The following OPRD1 variants were observed in gnomAD, a reference collection of about 807,000 sequenced individuals.
OPRD1 encodes the protein opioid receptor delta 1.
Under a neutral mutation model 17.5 loss-of-function variants are expected in OPRD1, and 19 were observed. The ratio of observed to expected loss-of-function variants is 1.09; its 90% CI spans 0.76 to 1.60. The LOEUF (loss-of-function observed/expected upper bound fraction) is 1.60. Ranked by LOEUF, OPRD1 falls within the 40% of genes most tolerant of loss-of-function variation. The pLI, the probability that OPRD1 is intolerant of heterozygous loss-of-function variation, is 0.00. For missense variants in OPRD1, 483 were observed against 547.2 expected, an observed-to-expected ratio of 0.88 and a Z score of 1.17; for synonymous variants, 256 against 240.9, an observed-to-expected ratio of 1.06 and a Z score of -0.58.
At chr1:28,855,766 A>G (rs767460927) in intron 1 of OPRD1, among the ~76,000 whole-genome samples, 1 of 152,232 alleles carries the variant, frequency 6.6e-6, no homozygotes, top group Admixed American at 6.5e-5. Flanking sequence ...GAGAAATTAG[A>G]CGAGTCAGCT....
At chr1:28,835,128 A>G (rs2088841163) in intron 1 of OPRD1, among the ~76,000 whole-genome samples, 1 of 152,128 alleles carries the variant, frequency 6.6e-6, no homozygotes, top group Admixed American at 6.5e-5. Flanking sequence ...GACCTGTCCT[A>G]TTTCCAGAGG....
At chr1:28,850,015 G>A (rs1390060534) in intron 1 of OPRD1, among the ~76,000 whole-genome samples, 2 of 151,752 alleles carry the variant, frequency 1.3e-5, no homozygotes, top group African/African-American at 2.4e-5. Context: ...GAGTATCTGG[G>A]ACTACAGGTG....
At chr1:28,826,922 A>C (rs2088773242) in intron 1 of OPRD1, among the ~76,000 whole-genome samples, 2 of 152,218 alleles carry the variant, frequency 1.3e-5, no homozygotes, top group Non-Finnish European at 2.9e-5. Context: ...CAACTAAATT[A>C]ATGTTATATT....
rs2089205393 is a variant in OPRD1, at chr1:28,870,251, TC to T, written c.*6969del. The T allele has an allele frequency of 1.3e-5, 2 of 151,524 alleles. No homozygotes were observed. Among genetic ancestry groups the T allele is most frequent in the Non-Finnish European group, 1.5e-5 (1 of 67,944 alleles). 9.4% of individuals were successfully genotyped at this position (151,524 alleles called of 1,614,324 possible). On this transcript the variant is annotated 3_prime_UTR_variant, in exon 3 of 3. Transcript: ENST00000234961. ...ATGCTTCTTTTTTTTTTTCTTTCTT[TC>T]TTTCTTTTTTTTTTTTTAAGACAGA...
chr1:28,850,168 C>T (rs71642252), intron 1 of OPRD1, among the ~76,000 whole-genome samples: 24,733 of 151,906 alleles, frequency 0.16, 2,346 homozygotes, highest in Admixed American at 0.24. Context: ...GCTTGAGCCA[C>T]GGCGCCCAGC....
chr1:28,812,777 C>T (rs1344364862), intron 1 of OPRD1, among the ~76,000 whole-genome samples, 167 bp downstream of exon 1: 2 of 152,112 alleles, frequency 1.3e-5, no homozygotes, highest in African/African-American at 2.4e-5. Flanking sequence ...GAGGGGAACA[C>T]AGGAATGTGT....
rs1569669109 is a variant in OPRD1 at position 28,870,283 on chromosome 1, A to C, written c.*7000A>C. The C allele has an allele frequency of 7.5e-6, 1 of 132,892 alleles. No homozygotes were observed. 8.2% of individuals were successfully genotyped at this position (132,892 alleles called of 1,614,324 possible). On this transcript the variant is annotated 3_prime_UTR_variant, in exon 3 of 3. Coordinates refer to ENST00000234961, the MANE Select transcript of OPRD1 (RefSeq NM_000911.4). ...TTTTTTTTTTTTAAGACAGAGTCTCACTCTGTCACCCAGGCTGAAGTGCAA... is the reference window on the plus strand; with the variant it reads ...TTTTTTTTTTTTAAGACAGAGTCTCCCTCTGTCACCCAGGCTGAAGTGCAA...
At chr1:28,814,289 A>G (rs543717734) in intron 1 of OPRD1, among the ~76,000 whole-genome samples, 1 of 152,300 alleles carries the variant, frequency 6.6e-6, no homozygotes, top group South Asian at 2.1e-4. Context: ...CTTCATCTGT[A>G]GAATGACGTA....
rs144459570 is a variant in OPRD1 at position 28,852,659 on chromosome 1, C to T, written c.228-6295C>T. On this transcript the variant is annotated intron_variant, in intron 1 of 2. Coordinates refer to ENST00000234961, the MANE Select transcript of OPRD1 (RefSeq NM_000911.4). ...AATAGCCATTGCACTCCAGCCTGGA[C>T]GACATAGCACGACCCCATCTCTTAG... Among the ~76,000 whole-genome samples, 35 of 152,172 alleles carry T rather than the reference C, an allele frequency of 2.3e-4. No homozygotes were observed. The East Asian group carries it at 6.4e-3, about 28-fold the overall frequency.
Position 28,853,428 on chromosome 1 carries a change from TGAGA to T in OPRD1, c.228-5521_228-5518del, listed in dbSNP as rs59110603. On this transcript the variant is annotated intron_variant, in intron 1 of 2. Coordinates refer to ENST00000234961, the MANE Select transcript of OPRD1 (RefSeq NM_000911.4). ...TCCTGGAAACACTGAATGGACTCTG[TGAGA>T]GAGAAACCTTTCATTTGTTAAACCA... Among the ~76,000 whole-genome samples, 8 of 152,336 alleles carry T rather than the reference TGAGA, an allele frequency of 5.3e-5. No individual in the cohort carries two copies. In the East Asian group the frequency reaches 1.5e-3, roughly 29 times the overall value.
In OPRD1 at chr1:28,863,459, G is replaced by A. The variant is rs1245394555; in HGVS notation, c.*176G>A. 7.0e-6 allele frequency: 5 copies of A among 714,584 alleles called. No individual in the cohort carries two copies. Among genetic ancestry groups the A allele is most frequent in the Non-Finnish European group, 1.1e-5 (5 of 474,514 alleles). The allele number at this position is 714,584 out of a possible 1,614,324, so 44.3% of individuals were successfully genotyped here. A position where few individuals can be genotyped will look rare whatever the true frequency, so the allele number is the denominator to read the frequency against. ...CGGGCCGCTAGATGGGCATGGGGTGGGCCTCTGGTTTGGGGCGAGGCAGAG... is the reference window on the plus strand; with the variant it reads ...CGGGCCGCTAGATGGGCATGGGGTGAGCCTCTGGTTTGGGGCGAGGCAGAG... On this transcript the variant is annotated 3_prime_UTR_variant, in exon 3 of 3. Coordinates refer to ENST00000234961, the MANE Select transcript of OPRD1 (RefSeq NM_000911.4).
rs1397317752 is a variant in OPRD1, at chr1:28,853,756, T to TC, written c.228-5198_228-5197insC. On this transcript the variant is annotated intron_variant, in intron 1 of 2. Transcript: ENST00000234961. ...ATAAAATTTTCTTTTTTTTTTCTTT[T>TC]TTTTTTTTGAGATAGGGTTTCACCT... 2.6e-5 allele frequency among the ~76,000 whole-genome samples: 4 copies of TC among 151,830 alleles called. 1 individual carries two copies. In the South Asian group the frequency reaches 8.3e-4, roughly 31 times the overall value.
At chr1:28,844,989 A>C (rs2088927233) in intron 1 of OPRD1, among the ~76,000 whole-genome samples, 1 of 151,956 alleles carries the variant, frequency 6.6e-6, no homozygotes, top group African/African-American at 2.4e-5. Flanking sequence ...CAGGTGACCC[A>C]CCTGCCTTGG....
chr1:28,852,114 C>T (rs1418004204), intron 1 of OPRD1, among the ~76,000 whole-genome samples: 2 of 145,782 alleles, frequency 1.4e-5, no homozygotes, highest in Non-Finnish European at 3.0e-5. Flanking sequence ...TTGGAGTGAG[C>T]CGAGATCACG....
chr1:28,818,006 C>T (rs536369325), intron 1 of OPRD1, among the ~76,000 whole-genome samples: 15 of 152,228 alleles, frequency 9.9e-5, no homozygotes, highest in East Asian at 3.9e-4. Context: ...AGGCGTGAGC[C>T]GCTGCGCCTG....
At chr1:28,825,935 C>G (rs2088764145) in intron 1 of OPRD1, among the ~76,000 whole-genome samples, 1 of 152,190 alleles carries the variant, frequency 6.6e-6, no homozygotes, top group Admixed American at 6.5e-5. Flanking sequence ...GTTGTCCCCC[C>G]TGAAGTACCA....
Position 28,837,168 on chromosome 1 carries a change from A to G in OPRD1, c.228-21786A>G, listed in dbSNP as rs182910501. On this transcript the variant is annotated intron_variant, in intron 1 of 2. Transcript: ENST00000234961. ...TTCTCATAAGGAGCTTGCAACCTAG[A>G]TCCCTTGCATATGTAGTTCACAGTA... 2.4e-3 allele frequency among the ~76,000 whole-genome samples: 366 copies of G among 152,236 alleles called. 2 individuals are homozygous for G. Among genetic ancestry groups the G allele is most frequent in the African/African-American group, 8.5e-3 (354 of 41,552 alleles).
chr1:28,859,375 C>A, intron 2 of OPRD1, 72 bp downstream of exon 2: 1 of 1,332,786 alleles, frequency 7.5e-7, no homozygotes, highest in Non-Finnish European at 1.0e-6. Flanking sequence ...TGTGGGCTTG[C>A]AGGGCACTTA....
intron 1 of OPRD1, among the ~76,000 whole-genome samples, chr1:28,857,550 C>T (rs1009296167): frequency 6.6e-6 from 1 of 152,182 alleles, no homozygotes; most frequent in African/African-American, 2.4e-5. Context: ...CTTGCTGCAA[C>T]CTCTGCCTCC....
Sources: gnomAD v4.1 joint callset for allele counts (sites outside exome capture counted in the v4.1 genomes callset) on GRCh38, gnomAD v4.1.1 for gene constraint, MANE v1.5 for transcripts, NCBI Gene and HGNC (gene_info 2026-07-23, HGNC 2026-07-21) for gene names.